Variants in PTPRA observed in about 807,000 individuals in gnomAD.
The protein encoded by PTPRA is receptor-type tyrosine-protein phosphatase alpha.
A neutral mutation model predicts 104.8 loss-of-function variants in PTPRA; 25 were observed. The ratio of observed to expected loss-of-function variants is 0.24; its 90% CI spans 0.17 to 0.33. The LOEUF is 0.33. PTPRA is among the 10% of genes least tolerant of loss of function. PTPRA has a pLI of 1.00. For missense variants in PTPRA, 765 were observed against 1,015.3 expected, an observed-to-expected ratio of 0.75 and a Z score of 3.35; for synonymous variants, 323 against 368.9, an observed-to-expected ratio of 0.88 and a Z score of 1.43.
intron 2 of PTPRA, among the ~76,000 whole-genome samples, chr20:2,927,276 A>C (rs1309477916): frequency 2.0e-5 from 3 of 152,052 alleles, no homozygotes; most frequent in Non-Finnish European, 2.9e-5. Flanking sequence ...CTGGGTTTTT[A>C]TTTCTTTCTC....
intron 5 of PTPRA, 70 bp from the exon 6 acceptor site, chr20:2,975,145 G>C: frequency 7.4e-7 from 1 of 1,349,312 alleles, no homozygotes; most frequent in Non-Finnish European, 1.0e-6. Flanking sequence ...TTGTTTTGTT[G>C]TACTCTAATT....
intron 9 of PTPRA, 103 bp downstream of exon 9, chr20:2,988,577 T>A: frequency 6.8e-7 from 1 of 1,466,910 alleles, no homozygotes; most frequent in Non-Finnish European, 9.1e-7. Flanking sequence ...GGGCTTTTAA[T>A]GTTTAAGAGG....
intron 2 of PTPRA, among the ~76,000 whole-genome samples, chr20:2,941,841 C>T (rs1318273851): frequency 6.6e-6 from 1 of 152,174 alleles, no homozygotes; most frequent in African/African-American, 2.4e-5. Flanking sequence ...CTTGTCAGCT[C>T]AGGAATCAGT....
chr20:2,950,610 T>C lies in PTPRA; in HGVS notation c.-7+2586T>C, dbSNP rs2061322704. On this transcript the variant is annotated intron_variant, in intron 3 of 23. Transcript: ENST00000399903. This position sits in a 1 kb window ranked among gnomAD's most constrained non-coding sequence, Gnocchi z 4.0. ...GTGAGCCGAGATCGCACCACTGCAC[T>C]CCAGCCTGGGCGACAGAGCGAGACT... Among the ~76,000 whole-genome samples the C allele has an allele frequency of 6.6e-6, 1 of 151,600 alleles. No individual in the cohort carries two copies. The highest frequency in any genetic ancestry group is 6.6e-5 in the Admixed American group (1 of 15,210).
chr20:2,998,177 C>CAAA (rs11475589), intron 9 of PTPRA, among the ~76,000 whole-genome samples: 1 of 83,186 alleles, frequency 1.2e-5, no homozygotes, highest in Non-Finnish European at 2.4e-5. Flanking sequence ...GACTCTGTCT[C>CAAA]AAAAAAAAAA....
At chr20:2,989,201 G>A (rs1406256916) in intron 9 of PTPRA, among the ~76,000 whole-genome samples, 1 of 151,906 alleles carries the variant, frequency 6.6e-6, no homozygotes, top group Non-Finnish European at 1.5e-5. Context: ...TTGGGAGGCT[G>A]AGGCGGGCAC....
chr20:2,956,376 T>C (rs1161628368), intron 3 of PTPRA, among the ~76,000 whole-genome samples: 1 of 152,182 alleles, frequency 6.6e-6, no homozygotes, highest in Non-Finnish European at 1.5e-5. Context: ...AGCCTCATTG[T>C]GTGCATTTCC....
At chr20:2,923,534 C>T (rs531706035) in intron 2 of PTPRA, among the ~76,000 whole-genome samples, 1 of 151,542 alleles carries the variant, frequency 6.6e-6, no homozygotes, top group Admixed American at 6.6e-5. Flanking sequence ...CATGGTGGAT[C>T]ACGCCTGTAA....
Position 3,035,542 on chromosome 20 carries a change from T to TG in PTPRA, c.1921-42dup, listed in dbSNP as rs1568712550. 6.3e-7 allele frequency: 1 copy of TG among 1,575,270 alleles called. No homozygotes were observed. The highest frequency in any genetic ancestry group is 1.7e-5 in the Admixed American group (1 of 59,666). The stretch of plus-strand genomic sequence containing the variant: ...TCGTGGGCAGTGCTGCTTCTACACA[T>TG]GTGGTACTCTGAGCTCCTCACCTCT... On this transcript the variant is annotated intron_variant, in intron 20 of 23. Transcript: ENST00000399903. This position sits in a 1 kb window ranked among gnomAD's most constrained non-coding sequence, Gnocchi z 5.8.
intron 6 of PTPRA, among the ~76,000 whole-genome samples, chr20:2,979,788 C>G (rs2062595186): frequency 6.6e-6 from 1 of 152,252 alleles, no homozygotes; most frequent in Non-Finnish European, 1.5e-5. Flanking sequence ...AAGCAGTCCT[C>G]CCACCCTGGC....
At position 3,026,678 on chromosome 20, in the gene PTPRA, C is replaced by G. The variant is rs749689947; in HGVS notation, c.1615-9C>G. On this transcript the variant is annotated splice_polypyrimidine_tract_variant and intron_variant, in intron 17 of 23. Coordinates refer to ENST00000399903, the MANE Select transcript of PTPRA (RefSeq NM_001385305.1). ...ATCAGTAATGTTTCCCCTCCCCTTC[C>G]CAATTCAGAAGTTAACATCAATCAA... 1 of 1,598,650 alleles carries G rather than the reference C, an allele frequency of 6.3e-7. No homozygotes were observed. The highest frequency in any genetic ancestry group is 1.3e-5 in the African/African-American group (1 of 74,634).
At chr20:2,888,351 G>C (rs950359990) in intron 1 of PTPRA, among the ~76,000 whole-genome samples, 2 of 152,060 alleles carry the variant, frequency 1.3e-5, no homozygotes, top group Admixed American at 1.3e-4. Flanking sequence ...CTTGAGCCCA[G>C]GAGTTCGAGA....
chr20:3,023,290 C>T (rs1443080374), intron 16 of PTPRA, among the ~76,000 whole-genome samples: 2 of 152,190 alleles, frequency 1.3e-5, no homozygotes, highest in Non-Finnish European at 2.9e-5. Flanking sequence ...AAAGTTTCTC[C>T]CCACTGAGAT....
chr20:2,944,127 G>A (rs539005263), intron 2 of PTPRA, among the ~76,000 whole-genome samples: 4 of 144,956 alleles, frequency 2.8e-5, no homozygotes, highest in South Asian at 2.3e-4. Flanking sequence ...TGTAACCTCC[G>A]CCTCCCAGGC....
chr20:2,901,119 C>T (rs55775223), intron 1 of PTPRA, among the ~76,000 whole-genome samples: 4,443 of 151,868 alleles, frequency 0.029, 96 homozygotes, highest in Non-Finnish European at 0.044. Context: ...TACAGGCGCG[C>T]GACACCACAC....
At chr20:2,985,842 A>G (rs1481412704) in intron 6 of PTPRA, among the ~76,000 whole-genome samples, 1 of 152,138 alleles carries the variant, frequency 6.6e-6, no homozygotes, top group Non-Finnish European at 1.5e-5. Context: ...TCAGCCTCCC[A>G]AAGTGCTGGG....
At chr20:2,925,920 T>C (rs1323044125) in intron 2 of PTPRA, among the ~76,000 whole-genome samples, 1 of 152,212 alleles carries the variant, frequency 6.6e-6, no homozygotes, top group Non-Finnish European at 1.5e-5. Context: ...GTAAAATTAC[T>C]GGATCATATG....
chr20:2,869,476 A>G, upstream of PTPRA, among the ~76,000 whole-genome samples: 1 of 152,192 alleles, frequency 6.6e-6, no homozygotes, highest in African/African-American at 2.4e-5. Flanking sequence ...ATCCTTGCTT[A>G]CTCAATTGAA....
chr20:3,027,165 A>T lies in PTPRA; in HGVS notation c.1753A>T (p.Asn585Tyr), dbSNP rs748475776. 2 of 1,614,054 alleles carry T rather than the reference A, an allele frequency of 1.2e-6. No individual in the cohort carries two copies. The highest frequency in any genetic ancestry group is 1.7e-6 in the Non-Finnish European group (2 of 1,180,032). Residue 585 changes from asparagine (N) to tyrosine (Y), a missense_variant, in exon 19 of 24, where the codon AAT becomes TAT. Transcript: ENST00000399903. ...CATTCCAGTTAAGCGGGGCGAAGAGAATACAGACTATGTGAACGCATCCTT... is the reference window on the plus strand; with the variant it reads ...CATTCCAGTTAAGCGGGGCGAAGAGTATACAGACTATGTGAACGCATCCTT... ...VIIPVKRGEE[N>Y]TDYVNASFID...
Sources: gnomAD v4.1 joint callset for allele counts (sites outside exome capture counted in the v4.1 genomes callset) on GRCh38, gnomAD v4.1.1 for gene constraint, Gnocchi (gnomAD v3.1) non-coding constraint, MANE v1.5 for transcripts, NCBI Gene and HGNC (gene_info 2026-07-23, HGNC 2026-07-21) for gene names.